CBX5: variants seen among roughly 807,000 people sequenced by gnomAD.
The protein encoded by CBX5 is chromobox protein homolog 5.
In CBX5, 7 loss-of-function variants were observed where a neutral mutation model predicts 20.7. That is an observed-to-expected ratio of 0.34 (90% CI 0.19 to 0.63). CBX5 has a LOEUF of 0.63. Ranked by LOEUF, CBX5 falls within the 30% of genes least tolerant of loss-of-function variation. The probability of loss-of-function intolerance (pLI) is 0.75; values close to 1 mark genes in which losing one functional copy is unlikely to be tolerated. For synonymous variants in CBX5, 78 were observed against 77.0 expected (o/e 1.01, Z -0.07); for missense variants, 110 against 224.1 (o/e 0.49, Z 3.25).
At chr12:54,273,296 AG>A (rs1378702670) in intron 1 of CBX5, 1 of 152,072 alleles carries the variant, frequency 6.6e-6, no homozygotes, top group African/African-American at 2.4e-5. Context: ...TACATAAATT[AG>A]CCGGGCACGG....
At chr12:54,267,637 G>A (rs1212962069) in intron 1 of CBX5, among the ~76,000 whole-genome samples, 2 of 151,366 alleles carry the variant, frequency 1.3e-5, no homozygotes, top group South Asian at 2.1e-4. Context: ...TCAGCCTCCC[G>A]AGTAGCTGGA....
rs762391980 is a variant in CBX5 at position 54,234,288 on chromosome 12, C to A, written c.*7467G>T. On this transcript the variant is annotated 3_prime_UTR_variant, in exon 5 of 5. Transcript: ENST00000209875. ...TTTTTTTTCCTCACTGATAGCTGAT[C>A]ACATTAAACAGGTACAGGTGCTAAG... 7 of 143,756 alleles carry A rather than the reference C, an allele frequency of 4.9e-5. No individual in the cohort carries two copies. Among genetic ancestry groups the A allele is most frequent in the Admixed American group, 2.1e-4 (3 of 14,164 alleles). 8.9% of individuals were successfully genotyped at this position (143,756 alleles called of 1,614,324 possible). A position where few individuals can be genotyped will look rare whatever the true frequency, so the allele number is the denominator to read the frequency against.
chr12:54,248,723 C>T (rs1393130810), intron 3 of CBX5, among the ~76,000 whole-genome samples: 7 of 152,156 alleles, frequency 4.6e-5, no homozygotes, highest in Admixed American at 1.3e-4. Flanking sequence ...GGAAGAAAAA[C>T]GTTCAAGCTG....
In CBX5 at chr12:54,256,664, GCA is replaced by G. The variant is rs148734621; in HGVS notation, c.137+848_137+849del. On this transcript the variant is annotated intron_variant, in intron 2 of 4. Transcript: ENST00000209875. ...ATACATCCCAGATTTTCAAGTCTTA[GCA>G]CACACACACACACAAATTTCATTAA... is the stretch of plus-strand genomic sequence containing the variant. Among the ~76,000 whole-genome samples the G allele has an allele frequency of 5.3e-5, 8 of 151,686 alleles. No homozygotes were observed. The East Asian group carries it at 9.7e-4, about 18-fold the overall frequency.
intron 3 of CBX5, 24 bp from the exon 4 acceptor site, chr12:54,246,239 G>T: frequency 1.3e-6 from 2 of 1,548,596 alleles, no homozygotes; most frequent in Non-Finnish European, 1.8e-6. Context: ...ATAAAGAAAG[G>T]TTACAGCTTG....
rs929621089 is a variant in CBX5, at chr12:54,238,044, G to T, written c.*3711C>A. ...ATCTCTACCAAAAATACAAAAATTA[G>T]CTGGGCATGGTGGCACACACCTGTA... On this transcript the variant is annotated 3_prime_UTR_variant, in exon 5 of 5. Transcript: ENST00000209875. 6.6e-6 allele frequency: 1 copy of T among 152,128 alleles called. No individual in the cohort carries two copies. Among genetic ancestry groups the T allele is most frequent in the African/African-American group, 2.4e-5 (1 of 41,412 alleles). The allele number at this position is 152,128 out of a possible 1,614,324, so 9.4% of individuals were successfully genotyped here. A position where few individuals can be genotyped will look rare whatever the true frequency, so the allele number is the denominator to read the frequency against.
intron 4 of CBX5, 97 bp from the exon 5 acceptor site, chr12:54,242,002 T>G: frequency 8.3e-7 from 1 of 1,210,004 alleles, no homozygotes; most frequent in Non-Finnish European, 1.2e-6. Flanking sequence ...GTTGACTTGA[T>G]TTCCTCCTCA....
chr12:54,248,874 T>C (rs772620337), intron 3 of CBX5, among the ~76,000 whole-genome samples: 1 of 152,186 alleles, frequency 6.6e-6, no homozygotes, highest in African/African-American at 2.4e-5. Context: ...CTTTAAAACA[T>C]ACAATCACCT....
chr12:54,254,681 C>A (rs561409171), intron 2 of CBX5, among the ~76,000 whole-genome samples: 20 of 151,998 alleles, frequency 1.3e-4, no homozygotes, highest in African/African-American at 4.8e-4. Context: ...AGTGAAACCC[C>A]ATCTCTAATA....
Position 54,247,130 on chromosome 12 carries a change from C to T in CBX5, c.325-915G>A, listed in dbSNP as rs962434777. 3.3e-5 allele frequency among the ~76,000 whole-genome samples: 5 copies of T among 152,228 alleles called. No homozygotes were observed. The East Asian group carries it at 7.7e-4, about 23-fold the overall frequency. On this transcript the variant is annotated intron_variant, in intron 3 of 4. Transcript: ENST00000209875. ...ATTTCAGAGATCATAAACACCAATA[C>T]CTATATGCTTGGTTAGAGAGAAGGC...
chr12:54,259,946 A>G (rs1487099973), intron 1 of CBX5, among the ~76,000 whole-genome samples: 1 of 152,192 alleles, frequency 6.6e-6, no homozygotes, highest in Non-Finnish European at 1.5e-5. Flanking sequence ...CACGATCAGT[A>G]CAAACCACCC....
rs1328693007 is a variant in CBX5 at position 54,234,180 on chromosome 12, A to G, written c.*7575T>C. ...GGCAAAAGAGCAAGTTTCCATCTCA[A>G]AAAAAAAAAAAAAAAAAAAAAAAAA... On this transcript the variant is annotated 3_prime_UTR_variant, in exon 5 of 5. Coordinates refer to ENST00000209875, the MANE Select transcript of CBX5 (RefSeq NM_012117.3). The G allele has an allele frequency of 1.5e-5, 1 of 65,966 alleles. No individual in the cohort carries two copies. The highest frequency in any genetic ancestry group is 2.7e-5 in the Non-Finnish European group (1 of 37,554). The allele number at this position is 65,966 out of a possible 1,614,324, so 4.1% of individuals were successfully genotyped here. A position where few individuals can be genotyped will look rare whatever the true frequency, so the allele number is the denominator to read the frequency against.
intron 1 of CBX5, among the ~76,000 whole-genome samples, chr12:54,279,778 C>A (rs1419723916): frequency 1.3e-5 from 2 of 152,230 alleles, no homozygotes; most frequent in Non-Finnish European, 2.9e-5. Flanking sequence ...CAGCTCAAGG[C>A]AGACCCAATT....
Position 54,239,200 on chromosome 12 carries a change from G to A in CBX5, c.*2555C>T, listed in dbSNP as rs1363947745. ...GACAGAGTAAAGTCTATTAACAGAT[G>A]GTAAGTAGTAGATGATACTGGGGTT... is the stretch of plus-strand genomic sequence containing the variant. On this transcript the variant is annotated 3_prime_UTR_variant, in exon 5 of 5. Transcript: ENST00000209875. The A allele has an allele frequency of 6.6e-6, 1 of 152,088 alleles. No individual in the cohort carries two copies. Among genetic ancestry groups the A allele is most frequent in the Non-Finnish European group, 1.5e-5 (1 of 68,002 alleles). 9.4% of individuals were successfully genotyped at this position (152,088 alleles called of 1,614,324 possible).
At chr12:54,276,393 T>C (rs1052848826) in intron 1 of CBX5, among the ~76,000 whole-genome samples, 7 of 152,348 alleles carry the variant, frequency 4.6e-5, no homozygotes, top group Admixed American at 1.3e-4. Flanking sequence ...ACAAAGCCTG[T>C]TTTATAATAA....
chr12:54,254,036 C>T (rs1943838577), intron 2 of CBX5, among the ~76,000 whole-genome samples: 1 of 152,012 alleles, frequency 6.6e-6, no homozygotes, highest in Admixed American at 6.6e-5. Context: ...TGGATGTGAG[C>T]CACCGCATCT....
intron 1 of CBX5, among the ~76,000 whole-genome samples, chr12:54,271,012 T>C (rs1179230701): frequency 6.6e-6 from 1 of 152,228 alleles, no homozygotes; most frequent in African/African-American, 2.4e-5. Context: ...GAGTTGATTG[T>C]GTCACTGCAC....
chr12:54,261,465 T>G (rs905520183), intron 1 of CBX5, among the ~76,000 whole-genome samples: 2 of 151,720 alleles, frequency 1.3e-5, no homozygotes, highest in African/African-American at 4.8e-5. Context: ...CCCAGCTAAT[T>G]TTTGTATTTT....
At chr12:54,262,380 TAA>T (rs1358844384) in intron 1 of CBX5, among the ~76,000 whole-genome samples, 1 of 152,220 alleles carries the variant, frequency 6.6e-6, no homozygotes, top group Non-Finnish European at 1.5e-5. Flanking sequence ...AAGAACTGCC[TAA>T]AGGGCACATG....
Sources: gnomAD v4.1 joint callset for allele counts (sites outside exome capture counted in the v4.1 genomes callset) on GRCh38, gnomAD v4.1.1 for gene constraint, MANE v1.5 for transcripts, NCBI Gene and HGNC (gene_info 2026-07-23, HGNC 2026-07-21) for gene names.